Variants in SPOCK1 observed in about 807,000 individuals in gnomAD.
SPOCK1 encodes the protein testican-1.
In SPOCK1, 23 loss-of-function variants were observed where a neutral mutation model predicts 55.3. That is an observed-to-expected ratio of 0.42 (90% CI 0.30 to 0.59). SPOCK1 has a LOEUF of 0.59. SPOCK1 is among the 20% of genes least tolerant of loss of function. The pLI is 0.22. For synonymous variants in SPOCK1, 226 were observed against 221.0 expected (o/e 1.02, Z -0.20); for missense variants, 499 against 552.5 (o/e 0.90, Z 0.97).
chr5:137,043,629 C>T (rs1369872732), intron 6 of SPOCK1, among the ~76,000 whole-genome samples: 1 of 152,080 alleles, frequency 6.6e-6, no homozygotes, highest in Non-Finnish European at 1.5e-5. Flanking sequence ...TGTGCTGATT[C>T]CTCTGTGGAT....
intron 2 of SPOCK1, among the ~76,000 whole-genome samples, chr5:137,473,973 A>G (rs964328498): frequency 1.3e-5 from 2 of 152,218 alleles, no homozygotes; most frequent in Admixed American, 6.5e-5. Context: ...TATTATTCTA[A>G]GTGAAGTGGC....
At chr5:137,482,226 C>T (rs1463947318) in intron 2 of SPOCK1, among the ~76,000 whole-genome samples, 2 of 152,246 alleles carry the variant, frequency 1.3e-5, no homozygotes, top group Non-Finnish European at 1.5e-5. Flanking sequence ...TGGACTAAGA[C>T]TTCACATCCA....
intron 4 of SPOCK1, among the ~76,000 whole-genome samples, chr5:137,139,678 G>A (rs908973871): frequency 2.0e-5 from 3 of 152,080 alleles, no homozygotes; most frequent in African/African-American, 7.2e-5. Context: ...CTTGGGAACT[G>A]GACATGGGCA....
At chr5:137,236,500 A>G (rs1756184404) in intron 3 of SPOCK1, among the ~76,000 whole-genome samples, 1 of 152,156 alleles carries the variant, frequency 6.6e-6, no homozygotes, top group Non-Finnish European at 1.5e-5. Flanking sequence ...AGGTATGTGA[A>G]CCTCTGCTTA....
chr5:137,216,204 G>T (rs1755712752), intron 3 of SPOCK1, among the ~76,000 whole-genome samples: 1 of 152,176 alleles, frequency 6.6e-6, no homozygotes, highest in Non-Finnish European at 1.5e-5. Context: ...GCAGGTGAAG[G>T]CTGTCTTGAG....
chr5:136,995,284 G>A (rs1420667491), intron 6 of SPOCK1, among the ~76,000 whole-genome samples: 1 of 152,148 alleles, frequency 6.6e-6, no homozygotes, highest in East Asian at 1.9e-4. Context: ...GCCCCCACAA[G>A]CCAGGAACCA....
chr5:137,180,975 T>C (rs926735080), intron 3 of SPOCK1, among the ~76,000 whole-genome samples: 4 of 152,180 alleles, frequency 2.6e-5, no homozygotes, highest in African/African-American at 7.2e-5. Context: ...CTGTGAGGTT[T>C]TGGGCTGGGC....
intron 3 of SPOCK1, among the ~76,000 whole-genome samples, chr5:137,173,240 T>C (rs938036744): frequency 1.3e-5 from 2 of 152,100 alleles, no homozygotes; most frequent in Non-Finnish European, 2.9e-5. Context: ...AAAGAAAATC[T>C]CAAGATCAAA....
chr5:137,296,242 T>C (rs1423453779), intron 2 of SPOCK1, among the ~76,000 whole-genome samples: 1 of 152,176 alleles, frequency 6.6e-6, no homozygotes, highest in Admixed American at 6.5e-5. Flanking sequence ...ACATATGGTA[T>C]TGTTGTTACC....
intron 3 of SPOCK1, among the ~76,000 whole-genome samples, chr5:137,264,375 A>G (rs760294369): frequency 6.6e-6 from 1 of 152,118 alleles, no homozygotes; most frequent in Non-Finnish European, 1.5e-5. Flanking sequence ...TTGGTATGGA[A>G]TGTCCCCTCA....
At chr5:137,442,421 T>C (rs746783733) in intron 2 of SPOCK1, among the ~76,000 whole-genome samples, 9 of 152,232 alleles carry the variant, frequency 5.9e-5, no homozygotes, top group Non-Finnish European at 1.3e-4. Context: ...TGGGATCTTG[T>C]ACAAATTGCT....
At chr5:137,133,121 G>C (rs577787158) in intron 4 of SPOCK1, among the ~76,000 whole-genome samples, 6 of 152,280 alleles carry the variant, frequency 3.9e-5, no homozygotes, top group Non-Finnish European at 8.8e-5. Flanking sequence ...TGTAATCCCA[G>C]CACTTTAGGA....
intron 2 of SPOCK1, among the ~76,000 whole-genome samples, chr5:137,421,864 C>T (rs939733002): frequency 2.6e-5 from 4 of 152,170 alleles, no homozygotes; most frequent in East Asian, 3.8e-4. Context: ...TTATTTTGCT[C>T]GTTAGTTGAT....
chr5:137,272,601 T>C (rs1030281157), intron 2 of SPOCK1, among the ~76,000 whole-genome samples: 1 of 152,162 alleles, frequency 6.6e-6, no homozygotes, highest in African/African-American at 2.4e-5. Flanking sequence ...CTGAATGAAG[T>C]GACCCAGCTT....
chr5:137,114,215 T>A (rs1020368022), intron 4 of SPOCK1, among the ~76,000 whole-genome samples: 1 of 152,154 alleles, frequency 6.6e-6, no homozygotes, highest in African/African-American at 2.4e-5. Context: ...TCCCCTGAAA[T>A]CACCTTGCTT....
intron 3 of SPOCK1, among the ~76,000 whole-genome samples, chr5:137,177,563 A>G (rs1177356344): frequency 1.3e-5 from 2 of 152,124 alleles, no homozygotes; most frequent in Non-Finnish European, 2.9e-5. Flanking sequence ...ATGCTTCAGG[A>G]AAGGGGCTTC....
intron 2 of SPOCK1, among the ~76,000 whole-genome samples, chr5:137,443,906 G>T (rs935145072): frequency 7.2e-5 from 11 of 152,022 alleles, no homozygotes; most frequent in African/African-American, 2.7e-4. Flanking sequence ...CCTTCAGTAG[G>T]TCCCATCATC....
chr5:137,421,134 T>C (rs1362416891), intron 2 of SPOCK1, among the ~76,000 whole-genome samples: 1 of 152,258 alleles, frequency 6.6e-6, no homozygotes, highest in Non-Finnish European at 1.5e-5. Context: ...TCCTGAGTTC[T>C]AGTTTGATTG....
intron 5 of SPOCK1, among the ~76,000 whole-genome samples, chr5:137,102,009 C>A (rs1049379127): frequency 6.6e-6 from 1 of 152,200 alleles, no homozygotes; most frequent in African/African-American, 2.4e-5. Context: ...TTAATACATT[C>A]TTACCAGCTC....
Sources: gnomAD v4.1 joint callset for allele counts (sites outside exome capture counted in the v4.1 genomes callset) on GRCh38, gnomAD v4.1.1 for gene constraint, MANE v1.5 for transcripts, NCBI Gene and HGNC (gene_info 2026-07-23, HGNC 2026-07-21) for gene names.